The following RPGRIP1 variants were observed in gnomAD, a reference collection of about 807,000 sequenced individuals.
RPGRIP1 encodes the protein RPGR interacting protein 1.
Under a neutral mutation model 157.9 loss-of-function variants are expected in RPGRIP1, and 128 were observed. The ratio of observed to expected loss-of-function variants is 0.81; its 90% CI spans 0.70 to 0.94. The LOEUF is 0.94. Among genes scored for constraint, RPGRIP1 ranks in the 40% least tolerant of loss-of-function variants. The probability of loss-of-function intolerance (pLI) is 0.00; values close to 1 mark genes in which losing one functional copy is unlikely to be tolerated. For synonymous variants in RPGRIP1, 554 were observed against 571.6 expected (o/e 0.97, Z 0.44); for missense variants, 1,486 against 1,545.8 (o/e 0.96, Z 0.65).
intron 2 of RPGRIP1, among the ~76,000 whole-genome samples, chr14:21,294,335 A>G (rs1459491752): frequency 1.3e-5 from 2 of 151,516 alleles, no homozygotes; most frequent in East Asian, 2.0e-4. Flanking sequence ...GGCTCAAGCA[A>G]TTCTCCTGCC....
chr14:21,321,608 C>T, intron 13 of RPGRIP1: 1 of 1,142,670 alleles, frequency 8.8e-7, no homozygotes, highest in Middle Eastern at 3.0e-4. Flanking sequence ...AGTGATGGGG[C>T]CAGCCCATGC....
At chr14:21,293,762 C>G (rs1041223031) in intron 2 of RPGRIP1, among the ~76,000 whole-genome samples, 2 of 152,000 alleles carry the variant, frequency 1.3e-5, no homozygotes, top group Non-Finnish European at 2.9e-5. Context: ...GCCTATAGTC[C>G]CAGGTACTCG....
At chr14:21,291,368 T>C (rs908807872) in intron 2 of RPGRIP1, among the ~76,000 whole-genome samples, 9 of 152,172 alleles carry the variant, frequency 5.9e-5, no homozygotes, top group African/African-American at 1.9e-4. Context: ...AGGAACTACC[T>C]ACCTGGAGTT....
intron 2 of RPGRIP1, 118 bp downstream of exon 2, chr14:21,288,179 A>AAT: frequency 3.5e-6 from 2 of 573,120 alleles, no homozygotes; most frequent in Non-Finnish European, 6.0e-6. Context: ...CAGTCTTCTC[A>AAT]CTTTTTTTTT....
chr14:21,330,530 G>A (rs1690200348), intron 20 of RPGRIP1, 143 bp downstream of exon 20: 1 of 521,686 alleles, frequency 1.9e-6, no homozygotes, highest in Non-Finnish European at 3.0e-6. Flanking sequence ...GCCGGGTATG[G>A]TGGCAGGCGC....
chr14:21,334,534 T>C, intron 20 of RPGRIP1, 71 bp from the exon 21 acceptor site: 2 of 997,656 alleles, frequency 2.0e-6, no homozygotes, highest in Non-Finnish European at 1.6e-6. Context: ...ATTGGAGATG[T>C]GTGTGCTGGG....
intron 20 of RPGRIP1, among the ~76,000 whole-genome samples, chr14:21,332,323 G>GATGATTTTTCTCATGAGAAGT (rs1844071990): frequency 6.6e-6 from 1 of 152,048 alleles, no homozygotes; most frequent in Non-Finnish European, 1.5e-5. Context: ...TCATGAGAAG[G>GATGATTTTTCTCATGAGAAGT]ATAATTTTTC....
chr14:21,285,353 C>A (rs1327608379), intron 1 of RPGRIP1, among the ~76,000 whole-genome samples: 1 of 151,872 alleles, frequency 6.6e-6, no homozygotes, highest in Non-Finnish European at 1.5e-5. Flanking sequence ...AGCCTGTAAT[C>A]CCAGCACTTT....
rs563572007 is a variant in RPGRIP1 at position 21,326,498 on chromosome 14, TAGCTGGGATTAC to T, written c.2710+328_2710+339del. Among the ~76,000 whole-genome samples, 1,226 of 152,242 alleles carry T rather than the reference TAGCTGGGATTAC, an allele frequency of 8.1e-3. 6 individuals are homozygous for T. The highest frequency in any genetic ancestry group is 0.013 in the Non-Finnish European group (862 of 68,012). On this transcript the variant is annotated intron_variant, in intron 17 of 24. Coordinates refer to ENST00000400017, the MANE Select transcript of RPGRIP1 (RefSeq NM_020366.4). The stretch of plus-strand genomic sequence containing the variant: ...GTTTCGCTCTTGTTGCCCAGGCTAG[TAGCTGGGATTAC>T]AGACATGCGCCACCACACCCGGCTA...
At chr14:21,296,170 C>T (rs1340853196) in intron 3 of RPGRIP1, among the ~76,000 whole-genome samples, 1 of 151,138 alleles carries the variant, frequency 6.6e-6, no homozygotes, top group South Asian at 2.1e-4. Context: ...GGTGCGATCT[C>T]GGCTCACTGC....
intron 17 of RPGRIP1, 107 bp from the exon 18 acceptor site, chr14:21,327,515 TA>T (rs1275336437): frequency 2.8e-5 from 25 of 886,640 alleles, no homozygotes; most frequent in Non-Finnish European, 4.1e-5. Flanking sequence ...TAATTGCTGA[TA>T]AAATATGTTG....
intron 21 of RPGRIP1, among the ~76,000 whole-genome samples, chr14:21,335,806 C>CAAAAAAAAAAAGAAA (rs536624884): frequency 6.7e-6 from 1 of 149,908 alleles, no homozygotes; most frequent in African/African-American, 2.5e-5. Context: ...GACTACGTCT[C>CAAAAAAAAAAAGAAA]AAAAAAAAGA....
intron 22 of RPGRIP1, among the ~76,000 whole-genome samples, chr14:21,344,175 G>A (rs6571769): frequency 0.29 from 44,224 of 151,584 alleles, 7,095 homozygotes; most frequent in South Asian, 0.5. Context: ...ATTTAAATTG[G>A]TTCTGTTATT....
chr14:21,288,195 T>C (rs553048709), intron 2 of RPGRIP1, 134 bp downstream of exon 2: 1 of 649,008 alleles, frequency 1.5e-6, no homozygotes, highest in East Asian at 2.7e-5. Flanking sequence ...TTTTTTTTTT[T>C]TTTGAGATGG....
At chr14:21,329,915 C>T (rs562758727) in intron 19 of RPGRIP1, among the ~76,000 whole-genome samples, 4 of 150,816 alleles carry the variant, frequency 2.7e-5, no homozygotes, top group South Asian at 2.1e-4. Flanking sequence ...GTCAGGAGTT[C>T]GAGACCAGCC....
chr14:21,289,842 A>G (rs775475559), intron 2 of RPGRIP1, among the ~76,000 whole-genome samples: 1 of 151,032 alleles, frequency 6.6e-6, no homozygotes, highest in Non-Finnish European at 1.5e-5. Context: ...ACCAGGAGAC[A>G]TTACCAGAAT....
At chr14:21,302,309 C>A (rs1047933322) in intron 4 of RPGRIP1, among the ~76,000 whole-genome samples, 179 bp from the exon 5 acceptor site, 1 of 150,372 alleles carries the variant, frequency 6.7e-6, no homozygotes, top group Non-Finnish European at 1.5e-5. Context: ...GTCTGGCTGA[C>A]TTTAGTTGCA....
intron 7 of RPGRIP1, among the ~76,000 whole-genome samples, chr14:21,308,762 T>C (rs1047275004): frequency 6.6e-6 from 1 of 152,176 alleles, no homozygotes; most frequent in African/African-American, 2.4e-5. Flanking sequence ...GGAGACCTCA[T>C]GTGCCGGGAA....
intron 20 of RPGRIP1, among the ~76,000 whole-genome samples, chr14:21,333,466 A>G (rs1360315856): frequency 6.6e-6 from 1 of 152,198 alleles, no homozygotes; most frequent in Non-Finnish European, 1.5e-5. Context: ...ATGCTATGTA[A>G]CAATCTACTC....
Sources: allele counts gnomAD v4.1 joint callset (sites outside exome capture counted in the v4.1 genomes callset), GRCh38; gene constraint gnomAD v4.1.1; transcripts MANE v1.5; gene names NCBI Gene and HGNC (gene_info 2026-07-23, HGNC 2026-07-21).